Variants in KIF5A observed in about 807,000 individuals in gnomAD.
KIF5A encodes kinesin family member 5A.
Under a neutral mutation model 141.3 loss-of-function variants are expected in KIF5A, and 35 were observed. The observed-to-expected ratio is 0.25, with a 90% CI of 0.19 to 0.33. KIF5A has a LOEUF of 0.33. Ranked by LOEUF, KIF5A falls within the 10% of genes least tolerant of loss-of-function variation. The pLI, the probability that KIF5A is intolerant of heterozygous loss-of-function variation, is 1.00. For missense variants in KIF5A, 861 were observed against 1,314.3 expected, an observed-to-expected ratio of 0.66 and a Z score of 5.33; for synonymous variants, 448 against 500.2, an observed-to-expected ratio of 0.90 and a Z score of 1.39.
chr12:57,580,899 G>A lies in KIF5A; in HGVS notation c.2539-57G>A, dbSNP rs534136265. ...CCCTGTCCCCTACGCTCCTCTGGGT[G>A]ACCGTCTTGGGTCACTTGCCTTCCT... On this transcript the variant is annotated intron_variant, in intron 23 of 28. Transcript: ENST00000455537. 214 of 1,548,276 alleles carry A rather than the reference G, an allele frequency of 1.4e-4. No individual in the cohort carries two copies. The African/African-American group carries it at 2.4e-3, about 17-fold the overall frequency.
chr12:57,564,210 A>G lies in KIF5A; in HGVS notation c.394A>G (p.Lys132Glu). ...GGATGAGAACCTTGAGTTCCACATC[A>G]AGGTGACCAGGGCACGACAGCTGGG... ...SMDENLEFHI[K>E]VSYFEIYLDK... The change falls in exon 4 of 29, where the codon AAG becomes GAG. Residue 132 changes from lysine (K) to glutamate (E), a missense_variant and splice_region_variant. Lys to Glu is a moderately conservative substitution (Grantham distance 56, BLOSUM62 1). Around this residue, in one of 5 missense-constraint regions of KIF5A, gnomAD observed 146 missense variants for 353.4 expected, o/e 0.41. Transcript: ENST00000455537. The G allele has an allele frequency of 1.2e-6, 2 of 1,603,516 alleles. No homozygotes were observed. Among genetic ancestry groups the G allele is most frequent in the Non-Finnish European group, 1.7e-6 (2 of 1,170,456 alleles).
intron 1 of KIF5A, among the ~76,000 whole-genome samples, chr12:57,563,153 C>T (rs1881962642): frequency 6.6e-6 from 1 of 151,934 alleles, no homozygotes; most frequent in African/African-American, 2.4e-5. Context: ...ACTACAGGCA[C>T]GTGCCACCAC....
chr12:57,582,571 A>C, intron 26 of KIF5A, 31 bp from the exon 27 acceptor site: 1 of 1,596,038 alleles, frequency 6.3e-7, no homozygotes, highest in Middle Eastern at 1.7e-4. Context: ...TTCTTCTTCT[A>C]ATCCTGTGTT....
At chr12:57,573,105 C>G (rs770142894) in intron 15 of KIF5A, among the ~76,000 whole-genome samples, 22 of 152,168 alleles carry the variant, frequency 1.4e-4, no homozygotes, top group South Asian at 2.1e-4. Flanking sequence ...GCAGGAGAAT[C>G]GCTTCAACCT....
rs146406013 is a variant in KIF5A at position 57,581,886 on chromosome 12, A to G, written c.2926A>G (p.Thr976Ala). 6 of 1,613,894 alleles carry G rather than the reference A, an allele frequency of 3.7e-6. No individual in the cohort carries two copies. In the African/African-American group the frequency reaches 5.3e-5, roughly 14 times the overall value. Reference sequence around the variant, plus strand: ...TCCATCCAGCTTTGCAAACTCCTGTACCAGCAGTGGAGCCACATCTTCTGG... The same window carrying G: ...TCCATCCAGCTTTGCAAACTCCTGTGCCAGCAGTGGAGCCACATCTTCTGG... ...TSDMYFANSCTSSGATSSGGP... is the reference protein window; with the variant it reads ...TSDMYFANSCASSGATSSGGP... The change falls in exon 26 of 29, where the codon ACC becomes GCC. Residue 976 changes from threonine (T) to alanine (A), a missense_variant. Around this residue, in one of 5 missense-constraint regions of KIF5A, gnomAD observed 482 missense variants for 661.3 expected, o/e 0.73. Coordinates refer to ENST00000455537, the MANE Select transcript of KIF5A (RefSeq NM_004984.4).
chr12:57,571,792 C>T (rs1252886493), intron 13 of KIF5A, among the ~76,000 whole-genome samples: 3 of 152,154 alleles, frequency 2.0e-5, no homozygotes, highest in African/African-American at 7.2e-5. Context: ...CTCCTGAGCT[C>T]AGGCAATGTG....
rs1594918791 is a variant in KIF5A, at chr12:57,571,444, A to G, written c.1362+55A>G. The G allele has an allele frequency of 1.9e-6, 3 of 1,585,508 alleles. No homozygotes were observed. The Admixed American group carries it at 5.1e-5, about 27-fold the overall frequency. On this transcript the variant is annotated intron_variant, in intron 13 of 28. Coordinates refer to ENST00000455537, the MANE Select transcript of KIF5A (RefSeq NM_004984.4). ...GAAAGGGGTTCTGTTCATCACTGGA[A>G]GGCATGGAATAGACCTTTTTAAAAT...
Position 57,550,379 on chromosome 12 carries a change from G to T in KIF5A, c.108G>T (p.Gly36=). 2 of 1,614,206 alleles carry T rather than the reference G, an allele frequency of 1.2e-6. No individual in the cohort carries two copies. Among genetic ancestry groups the T allele is most frequent in the Middle Eastern group, 3.3e-4 (2 of 6,060 alleles). The change falls in exon 1 of 29, where the codon GGG becomes GGT. Residue 36 remains glycine, a synonymous_variant. Coordinates refer to ENST00000455537, the MANE Select transcript of KIF5A (RefSeq NM_004984.4). The surrounding 1 kb of genome is among the most constrained non-coding windows in gnomAD (Gnocchi z 4.6). ...ACAAGTTCATCCCCATTTTCCAAGGGGACGACAGCGTCGTTATTGGGGTGA... is the reference window on the plus strand; with the variant it reads ...ACAAGTTCATCCCCATTTTCCAAGGTGACGACAGCGTCGTTATTGGGGTGA... ...RGDKFIPIFQ[G]DDSVVIGGKP... is the part of the protein sequence containing the mutation.
In KIF5A at chr12:57,583,245, C is replaced by T. The variant is rs111614819; in HGVS notation, c.*36+30C>T. 2,072 of 1,377,846 alleles carry T rather than the reference C, an allele frequency of 1.5e-3. 35 individuals are homozygous for T. The African/African-American group carries it at 0.026, about 17-fold the overall frequency. The allele number at this position is 1,377,846 out of a possible 1,614,324, so 85.4% of individuals were successfully genotyped here. On this transcript the variant is annotated intron_variant, in intron 28 of 28. Coordinates refer to ENST00000455537, the MANE Select transcript of KIF5A (RefSeq NM_004984.4). ...CGTCAGGCTGCTTCCTCGGACCAGC[C>T]TCAGGTTGCTTCCCTTCTTGCTGAC...
chr12:57,578,598 AG>A (rs752764024), intron 23 of KIF5A, among the ~76,000 whole-genome samples: 4 of 152,084 alleles, frequency 2.6e-5, no homozygotes, highest in Non-Finnish European at 5.9e-5. Context: ...CCTACCTTGG[AG>A]GGAGAGGTTG....
Position 57,576,132 on chromosome 12 carries a change from A to G in KIF5A, c.2069A>G (p.Gln690Arg), listed in dbSNP as rs1159132449. Reference sequence around the variant, plus strand: ...CTGAAGGACAAGGAGCCTGACACTCAGGATGCAGATGAAGTGAAGGTGAGT... The same window carrying G: ...CTGAAGGACAAGGAGCCTGACACTCGGGATGCAGATGAAGTGAAGGTGAGT... ...VALKDKEPDT[Q>R]DADEVKKALE... The change falls in exon 18 of 29, where the codon CAG becomes CGG. Residue 690 changes from glutamine to arginine, a missense_variant. Gln to Arg is a conservative substitution (Grantham distance 43). Transcript: ENST00000455537. 1 of 1,614,172 alleles carries G rather than the reference A, an allele frequency of 6.2e-7. No homozygotes were observed. The highest frequency in any genetic ancestry group is 2.2e-5 in the East Asian group (1 of 44,890).
chr12:57,572,317 C>A lies in KIF5A; in HGVS notation c.1569+50C>A. The A allele has an allele frequency of 1.3e-6, 2 of 1,533,912 alleles. No individual in the cohort carries two copies. Among genetic ancestry groups the A allele is most frequent in the Non-Finnish European group, 1.8e-6 (2 of 1,130,258 alleles). ...CAGCTCCCTGACCACAGAACATCTC[C>A]CATGTCGAGGGGACCTCTGCATCCT... is the stretch of plus-strand genomic sequence containing the variant. On this transcript the variant is annotated intron_variant, in intron 14 of 28. Transcript: ENST00000455537. The surrounding 1 kb of genome is among the most constrained non-coding windows in gnomAD (Gnocchi z 4.2).
intron 22 of KIF5A, 52 bp downstream of exon 22, chr12:57,578,132 T>C: frequency 6.3e-7 from 1 of 1,588,000 alleles, no homozygotes; most frequent in Non-Finnish European, 8.6e-7. Flanking sequence ...CTCCTATCCT[T>C]AGGTTTCTCC....
intron 8 of KIF5A, among the ~76,000 whole-genome samples, chr12:57,568,408 G>C (rs1389376704): frequency 6.6e-6 from 1 of 152,002 alleles, no homozygotes; most frequent in African/African-American, 2.4e-5. Flanking sequence ...CTATGGATTT[G>C]CCTATCCTGA....
In KIF5A at chr12:57,550,921, T is replaced by G. The variant is rs568943337; in HGVS notation, c.129+521T>G. ...CCTAAAGTAGTTATAGCCTGGATTT[T>G]TGTGTGTGTGTTGTGGGGAGTAGGT... On this transcript the variant is annotated intron_variant, in intron 1 of 28. Transcript: ENST00000455537. This position sits in a 1 kb window ranked among gnomAD's most constrained non-coding sequence, Gnocchi z 4.6. 5.3e-5 allele frequency among the ~76,000 whole-genome samples: 8 copies of G among 152,188 alleles called. No homozygotes were observed. Among genetic ancestry groups the G allele is most frequent in the African/African-American group, 9.6e-5 (4 of 41,528 alleles).
chr12:57,566,098 TTTTG>T (rs1409935480), intron 6 of KIF5A, among the ~76,000 whole-genome samples: 2 of 151,498 alleles, frequency 1.3e-5, no homozygotes, highest in African/African-American at 2.4e-5. Context: ...CAGTGGTTTT[TTTTG>T]TTTGTTTGTT....
rs2140162981 is a variant in KIF5A, at chr12:57,569,384, C to T, written c.948C>T (p.Ser316=). The part of the protein sequence containing the change: ...PSSYNDAETK[S]TLMFGQRAKT... ...GTTATAATGATGCAGAGACCAAGTC[C>T]ACCCTGATGTTTGGGCAGCGGTCAG... is the stretch of plus-strand genomic sequence containing the variant. Residue 316 remains serine, a synonymous_variant, in exon 10 of 29, where the codon TCC becomes TCT. Transcript: ENST00000455537. 6.2e-7 allele frequency: 1 copy of T among 1,614,062 alleles called. No individual in the cohort carries two copies.
At position 57,582,586 on chromosome 12, in the gene KIF5A, A is replaced by T. The variant is rs1172104617; in HGVS notation, c.2993-16A>T. On this transcript the variant is annotated splice_polypyrimidine_tract_variant and intron_variant, in intron 26 of 28. Coordinates refer to ENST00000455537, the MANE Select transcript of KIF5A (RefSeq NM_004984.4). ...TTCTTCTTCTAATCCTGTGTTCTCA[A>T]TGATGATCTCTTCAGGAAATGCCAC... 1.9e-6 allele frequency: 3 copies of T among 1,608,502 alleles called. No homozygotes were observed. In the East Asian group the frequency reaches 6.7e-5, roughly 36 times the overall value.
chr12:57,577,541 A>G (rs1280090561), intron 20 of KIF5A, among the ~76,000 whole-genome samples, 172 bp from the exon 21 acceptor site: 1 of 152,178 alleles, frequency 6.6e-6, no homozygotes, highest in Non-Finnish European at 1.5e-5. Context: ...GGCTGCAGTG[A>G]GCCCTGATTG....
Sources: allele counts gnomAD v4.1 joint callset (sites outside exome capture counted in the v4.1 genomes callset), GRCh38; gene constraint gnomAD v4.1.1; regional missense constraint gnomAD v4.1.1; non-coding constraint Gnocchi (gnomAD v3.1); transcripts MANE v1.5; gene names NCBI Gene and HGNC (gene_info 2026-07-23, HGNC 2026-07-21).